PCDHAC2: variants seen among roughly 807,000 people sequenced by gnomAD.
PCDHAC2 encodes protocadherin alpha subfamily C, 2.
Under a neutral mutation model 63.3 loss-of-function variants are expected in PCDHAC2, and 24 were observed. That is an observed-to-expected ratio of 0.38 (90% CI 0.27 to 0.53). PCDHAC2 has a LOEUF of 0.53. Ranked by LOEUF, PCDHAC2 falls within the 20% of genes least tolerant of loss-of-function variation. PCDHAC2 has a pLI of 0.81. For synonymous variants in PCDHAC2, 569 were observed against 529.4 expected (o/e 1.07, Z -1.03); for missense variants, 1,181 against 1,275.2 (o/e 0.93, Z 1.12).
At chr5:140,977,356 TA>T (rs2096758024) in intron 1 of PCDHAC2, among the ~76,000 whole-genome samples, 1 of 152,250 alleles carries the variant, frequency 6.6e-6, no homozygotes, top group South Asian at 2.1e-4. Flanking sequence ...GACTGATTGA[TA>T]AAAAGTATTT....
At chr5:140,998,903 G>A (rs1465203456) in intron 3 of PCDHAC2, among the ~76,000 whole-genome samples, 9 of 152,156 alleles carry the variant, frequency 5.9e-5, no homozygotes, top group African/African-American at 1.7e-4. Flanking sequence ...CAATGCCTCC[G>A]GGAGGTAGCT....
At chr5:141,003,962 C>G (rs2098144287) in intron 3 of PCDHAC2, among the ~76,000 whole-genome samples, 1 of 152,098 alleles carries the variant, frequency 6.6e-6, no homozygotes, top group Non-Finnish European at 1.5e-5. Context: ...ACCCTGGGAG[C>G]ATAAGGGAGG....
chr5:140,982,779 G>A (rs1228586175), intron 3 of PCDHAC2, among the ~76,000 whole-genome samples: 2 of 151,918 alleles, frequency 1.3e-5, no homozygotes, highest in African/African-American at 2.4e-5. Context: ...GAAAGTGTGT[G>A]TGCACGCATG....
Position 140,968,422 on chromosome 5 carries a change from G to C in PCDHAC2, c.1656G>C (p.Gln552His). 1.2e-6 allele frequency: 2 copies of C among 1,613,984 alleles called. No homozygotes were observed. The highest frequency in any genetic ancestry group is 1.7e-6 in the Non-Finnish European group (2 of 1,180,016). ...AGTTCTTTGTGACTGTGGAGGCTCA[G>C]GACAAGGGGAGCCCACCACTGAGCA... ...FREFFVTVEA[Q>H]DKGSPPLSST... is the part of the protein sequence containing the mutation. The change falls in exon 1 of 4, where the codon CAG becomes CAC. Residue 552 changes from glutamine (Q) to histidine (H), a missense_variant. Gln to His is a conservative substitution (Grantham distance 24, BLOSUM62 0). Coordinates refer to ENST00000289269, the MANE Select transcript of PCDHAC2 (RefSeq NM_018899.6).
rs2096011406 is a variant in PCDHAC2 at position 140,966,502 on chromosome 5, G to GGCAGCA, written c.-257_-252dup. On this transcript the variant is annotated 5_prime_UTR_variant, in exon 1 of 4. Transcript: ENST00000289269. ...TTTTCCCTCCCCCTGGAGCTGTAGC[G>GGCAGCA]GCAGCAGCAGCAGGAAGCCGAGCCG... The GGCAGCA allele has an allele frequency of 6.9e-6, 3 of 433,776 alleles. No individual in the cohort carries two copies. Among genetic ancestry groups the GGCAGCA allele is most frequent in the Non-Finnish European group, 1.2e-5 (3 of 250,194 alleles). The allele number at this position is 433,776 out of a possible 1,614,324, so 26.9% of individuals were successfully genotyped here.
In PCDHAC2 at chr5:140,966,516, G is replaced by A. The variant is rs967570115; in HGVS notation, c.-251G>A. On this transcript the variant is annotated 5_prime_UTR_variant, in exon 1 of 4. Transcript: ENST00000289269. Reference sequence around the variant, plus strand: ...GGAGCTGTAGCGGCAGCAGCAGCAGGAAGCCGAGCCGGGTTGAGCGACTCG... The same window carrying A: ...GGAGCTGTAGCGGCAGCAGCAGCAGAAAGCCGAGCCGGGTTGAGCGACTCG... The A allele has an allele frequency of 6.2e-5, 27 of 436,614 alleles. No individual in the cohort carries two copies. Among genetic ancestry groups the A allele is most frequent in the Admixed American group, 4.4e-4 (10 of 22,956 alleles). 27.0% of individuals were successfully genotyped at this position (436,614 alleles called of 1,614,324 possible).
Position 140,968,410 on chromosome 5 carries a change from T to G in PCDHAC2, c.1644T>G (p.Thr548=). The G allele has an allele frequency of 6.2e-7, 1 of 1,614,040 alleles. No individual in the cohort carries two copies. The part of the protein sequence containing the change: ...DYEKFREFFV[T]VEAQDKGSPP... ...AGAAGTTTCGGGAGTTCTTTGTGAC[T>G]GTGGAGGCTCAGGACAAGGGGAGCC... is the stretch of plus-strand genomic sequence containing the variant. Residue 548 remains threonine, a synonymous_variant, in exon 1 of 4, where the codon ACT becomes ACG. Coordinates refer to ENST00000289269, the MANE Select transcript of PCDHAC2 (RefSeq NM_018899.6).
In PCDHAC2 at chr5:140,967,477, C is replaced by T. The variant is rs782240426; in HGVS notation, c.711C>T (p.Arg237=). The stretch of plus-strand genomic sequence containing the variant: ...CCGTGGATGGGGGCATCCCAGCCCG[C>T]TCGGGTACGGCACAGATCTCTGTGC... ...LTAVDGGIPA[R]SGTAQISVRV... Residue 237 remains arginine (R), a synonymous_variant, in exon 1 of 4, where the codon CGC becomes CGT. Coordinates refer to ENST00000289269, the MANE Select transcript of PCDHAC2 (RefSeq NM_018899.6). The T allele has an allele frequency of 6.2e-7, 1 of 1,613,396 alleles. No individual in the cohort carries two copies. Among genetic ancestry groups the T allele is most frequent in the Non-Finnish European group, 8.5e-7 (1 of 1,179,740 alleles).
rs1410286561 is a variant in PCDHAC2, at chr5:140,968,976, A to G, written c.2210A>G (p.Tyr737Cys). 4 of 1,614,074 alleles carry G rather than the reference A, an allele frequency of 2.5e-6. No individual in the cohort carries two copies. Among genetic ancestry groups the G allele is most frequent in the African/African-American group, 1.3e-5 (1 of 74,932 alleles). ...ATCAAGTGCTACCGCTACACTGCGTATGGCACTGCATGCTGTGGAGGCTTC... is the reference window on the plus strand; with the variant it reads ...ATCAAGTGCTACCGCTACACTGCGTGTGGCACTGCATGCTGTGGAGGCTTC... ...SIIKCYRYTA[Y>C]GTACCGGFCG... is the part of the protein sequence containing the mutation. Residue 737 changes from tyrosine to cysteine, a missense_variant, in exon 1 of 4, where the codon TAT becomes TGT. Tyr to Cys is a radical substitution (Grantham distance 194). This residue lies in a region of PCDHAC2 where 968 missense variants were observed against 1,073.5 expected (regional missense o/e 0.90). Transcript: ENST00000289269.
intron 1 of PCDHAC2, among the ~76,000 whole-genome samples, chr5:140,971,967 A>C (rs2096509788): frequency 6.6e-6 from 1 of 152,118 alleles, no homozygotes; most frequent in Non-Finnish European, 1.5e-5. Flanking sequence ...ACTTTTTTTC[A>C]ATACTATGAG....
intron 3 of PCDHAC2, among the ~76,000 whole-genome samples, chr5:141,003,288 T>C (rs2098118136): frequency 2.0e-5 from 3 of 152,182 alleles, no homozygotes; most frequent in African/African-American, 7.2e-5. Context: ...AATTGGATTA[T>C]AGGATTACAT....
In PCDHAC2 at chr5:140,968,987, T is replaced by C; in HGVS notation, c.2221T>C (p.Cys741Arg). 6.2e-7 allele frequency: 1 copy of C among 1,614,224 alleles called. No individual in the cohort carries two copies. Among genetic ancestry groups the C allele is most frequent in the Non-Finnish European group, 8.5e-7 (1 of 1,180,028 alleles). Reference sequence around the variant, plus strand: ...CCGCTACACTGCGTATGGCACTGCATGCTGTGGAGGCTTCTGTGGAGTAAG... The same window carrying C: ...CCGCTACACTGCGTATGGCACTGCACGCTGTGGAGGCTTCTGTGGAGTAAG... ...CYRYTAYGTA[C>R]CGGFCGVRER... The change falls in exon 1 of 4, where the codon TGC becomes CGC. Residue 741 changes from cysteine to arginine, a missense_variant. Physicochemically the swap from Cys to Arg is radical, Grantham distance 180. Transcript: ENST00000289269.
intron 1 of PCDHAC2, among the ~76,000 whole-genome samples, chr5:140,974,660 C>T (rs529524485): frequency 2.6e-5 from 4 of 152,116 alleles, no homozygotes; most frequent in South Asian, 2.1e-4. Flanking sequence ...TACAGGCATG[C>T]GCCACCATGC....
At position 140,968,489 on chromosome 5, in the gene PCDHAC2, C is replaced by T. The variant is rs1024952304; in HGVS notation, c.1723C>T (p.His575Tyr). The change falls in exon 1 of 4, where the codon CAT becomes TAT. Residue 575 changes from histidine to tyrosine, a missense_variant. By Grantham distance (83) the His-to-Tyr change is moderately conservative. Around this residue, in one of 3 missense-constraint regions of PCDHAC2, gnomAD observed 968 missense variants for 1,073.5 expected, o/e 0.90. Transcript: ENST00000289269. The stretch of plus-strand genomic sequence containing the variant: ...CGTATATGTGGTGGACATGAATGAC[C>T]ATGCCCCTCACATTCTGTACCCTAC... ...ANVYVVDMNDHAPHILYPTST... is the reference protein window; with the variant it reads ...ANVYVVDMNDYAPHILYPTST... 30 of 1,614,008 alleles carry T rather than the reference C, an allele frequency of 1.9e-5. No homozygotes were observed. Among genetic ancestry groups the T allele is most frequent in the Non-Finnish European group, 2.5e-5 (30 of 1,180,040 alleles).
intron 3 of PCDHAC2, among the ~76,000 whole-genome samples, chr5:140,983,261 CT>C (rs1240749572): frequency 7.9e-5 from 12 of 152,158 alleles, no homozygotes; most frequent in Admixed American, 7.9e-4. Context: ...TGTAAAAAAC[CT>C]AATGGCTGGG....
intron 3 of PCDHAC2, among the ~76,000 whole-genome samples, chr5:141,000,895 T>C (rs896500322): frequency 5.3e-5 from 8 of 152,072 alleles, no homozygotes; most frequent in Non-Finnish European, 1.2e-4. Context: ...GCAACAGATA[T>C]AGACGCTGTC....
intron 3 of PCDHAC2, among the ~76,000 whole-genome samples, chr5:141,000,804 G>A (rs2097964510): frequency 6.6e-6 from 1 of 151,886 alleles, no homozygotes; most frequent in African/African-American, 2.4e-5. Flanking sequence ...CTACTCAGAA[G>A]GCTGAGGTGG....
rs202164321 is a variant in PCDHAC2 at position 140,967,255 on chromosome 5, T to G, written c.489T>G (p.Pro163=). 4 of 1,613,342 alleles carry G rather than the reference T, an allele frequency of 2.5e-6. No homozygotes were observed. The highest frequency in any genetic ancestry group is 3.4e-6 in the Non-Finnish European group (4 of 1,179,854). ...TTCAGGTAAGCGAATCGGTGGCGCC[T>G]GGAGCGCGCTTTCACATAGAGAGTG... ...YQLQVSESVA[P]GARFHIESAQ... is the part of the protein sequence containing the mutation. The change falls in exon 1 of 4, where the codon CCT becomes CCG. Residue 163 remains proline (P), a synonymous_variant. Transcript: ENST00000289269.
Position 140,969,343 on chromosome 5 carries a change from G to C in PCDHAC2, c.2565+12G>C. 2 of 1,613,728 alleles carry C rather than the reference G, an allele frequency of 1.2e-6. No homozygotes were observed. Among genetic ancestry groups the C allele is most frequent in the Non-Finnish European group, 1.7e-6 (2 of 1,179,860 alleles). ...TTTCTCAAAATGAGGTGAGACAGTG[G>C]TCAGGGGGTCTTCTACAAACTCATG... is the stretch of plus-strand genomic sequence containing the variant. On this transcript the variant is annotated intron_variant, in intron 1 of 3. Transcript: ENST00000289269.
Sources: gnomAD v4.1 joint callset for allele counts (sites outside exome capture counted in the v4.1 genomes callset) on GRCh38, gnomAD v4.1.1 for gene constraint, gnomAD v4.1.1 regional missense constraint, MANE v1.5 for transcripts, NCBI Gene and HGNC (gene_info 2026-07-23, HGNC 2026-07-21) for gene names.